Variants in KL observed in about 807,000 individuals in gnomAD.
KL encodes alpha-klotho.
A neutral mutation model predicts 84.2 loss-of-function variants in KL; 62 were observed. That is an observed-to-expected ratio of 0.74 (90% CI 0.60 to 0.91). The LOEUF (loss-of-function observed/expected upper bound fraction) is 0.91. Ranked by LOEUF, KL falls within the 40% of genes least tolerant of loss-of-function variation. The pLI, the probability that KL is intolerant of heterozygous loss-of-function variation, is 0.00. For missense variants in KL, 1,261 were observed against 1,305.7 expected (o/e 0.97, Z 0.53); for synonymous variants, 528 against 528.0 (o/e 1.00, Z 0.00).
chr13:33,061,279 T>C lies in KL; in HGVS notation c.2200T>C (p.Trp734Arg). 5 of 1,614,268 alleles carry C rather than the reference T, an allele frequency of 3.1e-6. No individual in the cohort carries two copies. Among genetic ancestry groups the C allele is most frequent in the Non-Finnish European group, 4.2e-6 (5 of 1,180,050 alleles). ...AATATCCATAGCCTTGCAGGCTGAT[T>C]GGATAGAACCTGCCTGCCCTTTCTC... is the stretch of plus-strand genomic sequence containing the variant. The part of the protein sequence containing the change: ...GKISIALQAD[W>R]IEPACPFSQK... Residue 734 changes from tryptophan (W) to arginine (R), a missense_variant, in exon 4 of 5, where the codon TGG (tryptophan) becomes CGG (arginine). Physicochemically the swap from Trp to Arg is moderately radical, Grantham distance 101. Coordinates refer to ENST00000380099, the MANE Select transcript of KL (RefSeq NM_004795.4).
chr13:33,028,602 C>G (rs1477564740), intron 1 of KL, among the ~76,000 whole-genome samples: 1 of 152,116 alleles, frequency 6.6e-6, no homozygotes, highest in African/African-American at 2.4e-5. Context: ...AAGTGTGTCC[C>G]CCCAAAATAT....
chr13:33,031,987 TGGGTACCAA>T (rs772791859), intron 1 of KL, among the ~76,000 whole-genome samples: 21 of 152,186 alleles, frequency 1.4e-4, no homozygotes, highest in Non-Finnish European at 2.9e-4. Context: ...GACTTTCCTG[TGGGTACCAA>T]GGGTCAGAGC....
At chr13:33,042,678 A>C (rs1168570661) in intron 1 of KL, among the ~76,000 whole-genome samples, 1 of 152,108 alleles carries the variant, frequency 6.6e-6, no homozygotes, top group Non-Finnish European at 1.5e-5. Flanking sequence ...TTAAGCTACT[A>C]TAAGCATTTT....
intron 1 of KL, among the ~76,000 whole-genome samples, chr13:33,026,435 G>T (rs1870778654): frequency 8.2e-6 from 1 of 121,358 alleles, no homozygotes; most frequent in South Asian, 3.1e-4. Context: ...TATTGAATGG[G>T]AAGAATGGGG....
chr13:33,034,738 G>A (rs1871096685), intron 1 of KL, among the ~76,000 whole-genome samples: 1 of 152,104 alleles, frequency 6.6e-6, no homozygotes, highest in Admixed American at 6.5e-5. Context: ...TTTGTTCCCT[G>A]TTGTGCCCCA....
rs1045478467 is a variant in KL, at chr13:33,016,548, C to A, written c.108C>A (p.Gly36=). The change falls in exon 1 of 5, where the codon GGC becomes GGA. Residue 36 remains glycine, a synonymous_variant. Coordinates refer to ENST00000380099, the MANE Select transcript of KL (RefSeq NM_004795.4). The stretch of plus-strand genomic sequence containing the variant: ...GCCGCCGCCTGCGTGCGGAGCCGGG[C>A]GACGGCGCGCAGACCTGGGCCCGTT... ...LGGRRLRAEP[G]DGAQTWARFS... 6.4e-6 allele frequency: 9 copies of A among 1,402,666 alleles called. No homozygotes were observed. In the African/African-American group the frequency reaches 1.4e-4, roughly 21 times the overall value. 86.9% of individuals were successfully genotyped at this position (1,402,666 alleles called of 1,614,324 possible).
chr13:33,025,440 T>C (rs1052817568), intron 1 of KL, among the ~76,000 whole-genome samples: 2 of 152,192 alleles, frequency 1.3e-5, no homozygotes, highest in Admixed American at 1.3e-4. Flanking sequence ...TAGTGGGCCC[T>C]GCTGCTGGGC....
At chr13:33,054,617 G>A (rs1871882937) in intron 2 of KL, among the ~76,000 whole-genome samples, 1 of 152,024 alleles carries the variant, frequency 6.6e-6, no homozygotes, top group Non-Finnish European at 1.5e-5. Context: ...TTGTTATTTT[G>A]GTTGAATAAA....
intron 3 of KL, among the ~76,000 whole-genome samples, chr13:33,059,476 T>C (rs1262568062): frequency 6.6e-6 from 1 of 152,170 alleles, no homozygotes; most frequent in Admixed American, 6.5e-5. Context: ...TTTTCTTTTT[T>C]TCTATTTTTT....
At chr13:33,022,172 A>G (rs971114826) in intron 1 of KL, among the ~76,000 whole-genome samples, 19 of 152,244 alleles carry the variant, frequency 1.2e-4, no homozygotes, top group Non-Finnish European at 4.4e-5. Flanking sequence ...AATGTAAACT[A>G]TGCATTCAAG....
At chr13:33,018,503 G>T (rs1870453430) in intron 1 of KL, among the ~76,000 whole-genome samples, 1 of 152,166 alleles carries the variant, frequency 6.6e-6, no homozygotes, top group South Asian at 2.1e-4. Context: ...GCTGCTACTG[G>T]CCATAAAAGA....
At chr13:33,053,262 G>C (rs1473404248) in intron 1 of KL, among the ~76,000 whole-genome samples, 1 of 152,114 alleles carries the variant, frequency 6.6e-6, no homozygotes, top group Non-Finnish European at 1.5e-5. Flanking sequence ...TTGCTTGTTA[G>C]AATTTTAGCT....
At chr13:33,052,848 G>A (rs990397740) in intron 1 of KL, among the ~76,000 whole-genome samples, 1 of 152,154 alleles carries the variant, frequency 6.6e-6, no homozygotes, top group Non-Finnish European at 1.5e-5. Context: ...ACTTGTATTT[G>A]TAGGAAAATA....
rs59216104 is a variant in KL at position 33,019,732 on chromosome 13, T to TGA, written c.819+2497_819+2498dup. 9.4e-3 allele frequency among the ~76,000 whole-genome samples: 1,251 copies of TGA among 133,346 alleles called. 12 individuals carry two copies. The highest frequency in any genetic ancestry group is 0.011 in the Non-Finnish European group (719 of 63,496). 87.5% of individuals were successfully genotyped at this position (133,346 alleles called of 152,430 possible). ...TGGTGTGTGTGTGTGTGTGTGTGTG[T>TGA]GAGAGAGAGAGAGAGAGAGAGAGAG... On this transcript the variant is annotated intron_variant, in intron 1 of 4. Coordinates refer to ENST00000380099, the MANE Select transcript of KL (RefSeq NM_004795.4).
At chr13:33,058,963 G>C (rs961196610) in intron 3 of KL, among the ~76,000 whole-genome samples, 3 of 152,176 alleles carry the variant, frequency 2.0e-5, no homozygotes, top group African/African-American at 7.2e-5. Context: ...TTCTGCAAGG[G>C]ACAATTCTCC....
rs947179312 is a variant in KL, at chr13:33,060,811, A to G, written c.1732A>G (p.Ile578Val). The G allele has an allele frequency of 6.2e-7, 1 of 1,614,218 alleles. No homozygotes were observed. The highest frequency in any genetic ancestry group is 1.7e-5 in the Admixed American group (1 of 60,028). ...RKSYCVDFAAIQPQIALLQEM... is the reference protein window; with the variant it reads ...RKSYCVDFAAVQPQIALLQEM... ...ATCCTACTGTGTTGACTTTGCTGCC[A>G]TCCAGCCCCAGATCGCTTTACTCCA... The change falls in exon 4 of 5, where the codon ATC (isoleucine) becomes GTC (valine). Residue 578 changes from isoleucine (I) to valine (V), a missense_variant. Coordinates refer to ENST00000380099, the MANE Select transcript of KL (RefSeq NM_004795.4).
intron 1 of KL, among the ~76,000 whole-genome samples, chr13:33,049,459 A>G (rs539691255): frequency 1.3e-5 from 2 of 152,358 alleles, no homozygotes; most frequent in African/African-American, 4.8e-5. Context: ...AAGGTCTTGG[A>G]TAGAGGACCA....
In KL at chr13:33,017,170, G is replaced by T. The variant is rs1413908187; in HGVS notation, c.730G>T (p.Ala244Ser). 21 of 1,600,160 alleles carry T rather than the reference G, an allele frequency of 1.3e-5. No homozygotes were observed. Among genetic ancestry groups the T allele is most frequent in the Non-Finnish European group, 1.6e-5 (19 of 1,179,704 alleles). The part of the protein sequence containing the change: ...WITIDNPYVV[A>S]WHGYATGRLA... ...CACCATCGACAACCCCTACGTGGTG[G>T]CCTGGCACGGCTACGCCACCGGGCG... is the stretch of plus-strand genomic sequence containing the variant. The change falls in exon 1 of 5, where the codon GCC (alanine) becomes TCC (serine). Residue 244 changes from alanine (A) to serine (S), a missense_variant. Transcript: ENST00000380099.
chr13:33,030,727 T>A (rs555105282), intron 1 of KL, among the ~76,000 whole-genome samples: 1 of 152,012 alleles, frequency 6.6e-6, no homozygotes, highest in South Asian at 2.1e-4. Context: ...TGAAACAGAA[T>A]AAAATAAACA....
Sources: gnomAD v4.1 joint callset for allele counts (sites outside exome capture counted in the v4.1 genomes callset) on GRCh38, gnomAD v4.1.1 for gene constraint, MANE v1.5 for transcripts, NCBI Gene and HGNC (gene_info 2026-07-23, HGNC 2026-07-21) for gene names.